Variants in TM4SF19 observed in about 807,000 individuals in gnomAD.
The protein encoded by TM4SF19 is transmembrane 4 L6 family member 19.
In TM4SF19, 17 loss-of-function variants were observed where a neutral mutation model predicts 21.8. The observed-to-expected ratio is 0.78, with a 90% confidence interval of 0.53 to 1.17. TM4SF19 has a LOEUF of 1.17. Ranked by LOEUF, TM4SF19 falls within the 50% of genes most tolerant of loss-of-function variation. The pLI, the probability that TM4SF19 is intolerant of heterozygous loss-of-function variation, is 0.00. For missense variants in TM4SF19, 216 were observed against 252.1 expected (o/e 0.86, Z 0.97); for synonymous variants, 107 against 106.7 (o/e 1.00, Z -0.02).
At chr3:196,334,507 G>A (rs1443817912) in intron 1 of TM4SF19, among the ~76,000 whole-genome samples, 1 of 151,518 alleles carries the variant, frequency 6.6e-6, no homozygotes, top group Non-Finnish European at 1.5e-5. Context: ...AGGCTGGAGT[G>A]CAGTGGCGCG....
chr3:196,324,180 C>A, intron 4 of TM4SF19, 91 bp downstream of exon 4: 1 of 1,514,390 alleles, frequency 6.6e-7, no homozygotes, highest in Non-Finnish European at 9.1e-7. Context: ...GGATGTGTGA[C>A]CCAAAGGAGC....
At chr3:196,331,453 TATTTATTTATTTA>T (rs1212538497) in intron 1 of TM4SF19, among the ~76,000 whole-genome samples, 1 of 147,788 alleles carries the variant, frequency 6.8e-6, no homozygotes, top group East Asian at 1.9e-4. Flanking sequence ...GCTCGCTATT[TATTTATTTATTTA>T]ATTTATTTAT....
At chr3:196,327,692 C>T (rs1727356724) in intron 1 of TM4SF19, 101 bp from the exon 2 acceptor site, 3 of 986,744 alleles carry the variant, frequency 3.0e-6, no homozygotes, top group Admixed American at 2.1e-5. Flanking sequence ...ACTACAGAAA[C>T]CGCCACCTTC....
chr3:196,331,093 G>C (rs1332388780), intron 1 of TM4SF19, among the ~76,000 whole-genome samples: 2 of 151,730 alleles, frequency 1.3e-5, no homozygotes, highest in Non-Finnish European at 2.9e-5. Context: ...GGTCAACATG[G>C]TGAAACCGTG....
intron 4 of TM4SF19, 71 bp downstream of exon 4, chr3:196,324,200 G>C (rs761650397): frequency 4.5e-6 from 7 of 1,556,688 alleles, no homozygotes; most frequent in Non-Finnish European, 5.3e-6. Context: ...CTTGTAGTTC[G>C]TCTGTGTGTC....
intron 1 of TM4SF19, 122 bp from the exon 2 acceptor site, chr3:196,327,713 C>T (rs1727357699): frequency 1.4e-6 from 1 of 734,400 alleles, no homozygotes. Context: ...CAGGGTCAGA[C>T]CAATGAGAGC....
At position 196,327,169 on chromosome 3, in the gene TM4SF19, T is replaced by A. The variant is rs189156521; in HGVS notation, c.202-137A>T. The A allele has an allele frequency of 6.1e-5, 49 of 807,272 alleles. 1 individual carries two copies. Among genetic ancestry groups the A allele is most frequent in the Admixed American group, 2.7e-4 (12 of 44,198 alleles). 50.0% of individuals were successfully genotyped at this position (807,272 alleles called of 1,614,324 possible). The stretch of plus-strand genomic sequence containing the variant: ...GACTCTGACTCTGGGGACCCACATT[T>A]GTATGACGAGCCTGATCTAACGCTG... On this transcript the variant is annotated intron_variant, in intron 2 of 4. Transcript: ENST00000273695.
chr3:196,327,673 G>C (rs931453173), intron 1 of TM4SF19, 82 bp from the exon 2 acceptor site: 11 of 1,239,026 alleles, frequency 8.9e-6, no homozygotes, highest in Admixed American at 7.5e-5. Context: ...TCATGGGTGA[G>C]GGAAACAGAC....
At chr3:196,337,421 G>C (rs1727808514) in intron 1 of TM4SF19, among the ~76,000 whole-genome samples, 1 of 152,098 alleles carries the variant, frequency 6.6e-6, no homozygotes, top group South Asian at 2.1e-4. Flanking sequence ...ATTGGTCACA[G>C]CCAGCGTTGG....
chr3:196,332,757 C>A (rs990381809), intron 1 of TM4SF19, among the ~76,000 whole-genome samples: 1 of 151,942 alleles, frequency 6.6e-6, no homozygotes, highest in East Asian at 1.9e-4. Context: ...CTCCTATAAA[C>A]CCGTTGTAAG....
At chr3:196,331,925 C>A (rs1727529593) in intron 1 of TM4SF19, among the ~76,000 whole-genome samples, 1 of 152,054 alleles carries the variant, frequency 6.6e-6, no homozygotes. Context: ...CACTTGGCCA[C>A]TTGAGGCTCT....
chr3:196,327,867 G>A (rs535542699), intron 1 of TM4SF19, among the ~76,000 whole-genome samples: 56 of 152,300 alleles, frequency 3.7e-4, no homozygotes, highest in African/African-American at 1.3e-3. Flanking sequence ...TACAGCCAGT[G>A]ATTATTTCTG....
intron 1 of TM4SF19, among the ~76,000 whole-genome samples, chr3:196,337,175 C>A (rs1232043472): frequency 6.6e-6 from 1 of 150,686 alleles, no homozygotes; most frequent in Non-Finnish European, 1.5e-5. Flanking sequence ...TATTCTCCTG[C>A]CTCAGCCTCC....
At chr3:196,333,884 A>C (rs1350329913) in intron 1 of TM4SF19, among the ~76,000 whole-genome samples, 1 of 152,214 alleles carries the variant, frequency 6.6e-6, no homozygotes, top group East Asian at 1.9e-4. Flanking sequence ...AACCTGGCGA[A>C]ACCTCATCTC....
chr3:196,327,622 C>A (rs1329756291), intron 1 of TM4SF19, 31 bp from the exon 2 acceptor site: 9 of 1,588,110 alleles, frequency 5.7e-6, no homozygotes, highest in Non-Finnish European at 7.8e-6. Context: ...GTCGCAGCAG[C>A]TCTGCTGTGG....
chr3:196,331,287 A>C (rs1038326838), intron 1 of TM4SF19, among the ~76,000 whole-genome samples: 6 of 148,402 alleles, frequency 4.0e-5, no homozygotes, highest in African/African-American at 1.5e-4. Flanking sequence ...AAAAAAAAAT[A>C]TATATATATA....
rs766081955 is a variant in TM4SF19, at chr3:196,327,582, G to C, written c.9C>G (p.Ser3=). The part of the protein sequence containing the change: MV[S]SPCTQASSRT... Reference sequence around the variant, plus strand: ...GTGAGCTTGCCTGCGTGCAGGGAGAGGACACCATCCTGGAACAGATAGAAA... The same window carrying C: ...GTGAGCTTGCCTGCGTGCAGGGAGACGACACCATCCTGGAACAGATAGAAA... Residue 3 remains serine, a synonymous_variant, in exon 2 of 5, where the codon TCC becomes TCG. Coordinates refer to ENST00000273695, the MANE Select transcript of TM4SF19 (RefSeq NM_138461.4). The C allele has an allele frequency of 6.2e-7, 1 of 1,613,042 alleles. No homozygotes were observed. Among genetic ancestry groups the C allele is most frequent in the South Asian group, 1.1e-5 (1 of 91,006 alleles).
Position 196,329,105 on chromosome 3 carries a change from G to A in TM4SF19, c.-1-1514C>T, listed in dbSNP as rs368256182. Among the ~76,000 whole-genome samples the A allele has an allele frequency of 1.6e-5, 2 of 127,218 alleles. 1 individual carries two copies. The highest frequency in any genetic ancestry group is 1.8e-4 in the Admixed American group (2 of 11,206). 83.5% of individuals were successfully genotyped at this position (127,218 alleles called of 152,430 possible). On this transcript the variant is annotated intron_variant, in intron 1 of 4. Transcript: ENST00000273695. ...ATTACAGGTGCCCGCCACCATGCCC[G>A]GTAATTTTTTGTATTTTTAGTAGAG...
intron 1 of TM4SF19, among the ~76,000 whole-genome samples, chr3:196,328,047 A>G (rs1727369145): frequency 6.6e-6 from 1 of 152,328 alleles, no homozygotes; most frequent in African/African-American, 2.4e-5. Flanking sequence ...CAGGCCTGTA[A>G]TCCCAGCACT....
Sources: gnomAD v4.1 joint callset for allele counts (sites outside exome capture counted in the v4.1 genomes callset) on GRCh38, gnomAD v4.1.1 for gene constraint, MANE v1.5 for transcripts, NCBI Gene and HGNC (gene_info 2026-07-23, HGNC 2026-07-21) for gene names.